AMD1: variants seen among roughly 807,000 people sequenced by gnomAD.
The protein encoded by AMD1 is S-adenosylmethionine decarboxylase proenzyme.
In AMD1, 11 loss-of-function variants were observed where a neutral mutation model predicts 40.2. That is an observed-to-expected ratio of 0.27 (90% CI 0.17 to 0.45). The LOEUF is 0.45. Ranked by LOEUF, AMD1 falls within the 20% of genes least tolerant of loss-of-function variation. AMD1 has a pLI of 1.00. For synonymous variants in AMD1, 121 were observed against 130.8 expected (o/e 0.93, Z 0.51); for missense variants, 257 against 410.2 (o/e 0.63, Z 3.23).
At chr6:110,860,884 A>C in the AMD1 span, among the ~76,000 whole-genome samples, 1 of 146,260 alleles carries the variant, frequency 6.8e-6, no homozygotes, top group African/African-American at 2.5e-5. Context: ...GAGAGAGAAC[A>C]ATCACATTTT....
At chr6:110,878,250 C>T (rs1475188297) in intron 1 of AMD1, among the ~76,000 whole-genome samples, 1 of 152,136 alleles carries the variant, frequency 6.6e-6, no homozygotes, top group Non-Finnish European at 1.5e-5. Flanking sequence ...ATTTACCTTT[C>T]ATATTTAGAT....
chr6:110,863,965 C>CTTTT, the AMD1 span: 2 of 394,230 alleles, frequency 5.1e-6, no homozygotes, highest in East Asian at 6.8e-5. Flanking sequence ...TACCACTAAT[C>CTTTT]TTTTTTTTTT....
At chr6:110,875,257 T>C (rs1583208206) in intron 1 of AMD1, 42 bp downstream of exon 1, 1 of 1,492,184 alleles carries the variant, frequency 6.7e-7, no homozygotes, top group East Asian at 2.4e-5. Context: ...GCCTGGGGGC[T>C]GTCGCCGCCG....
the AMD1 span, among the ~76,000 whole-genome samples, chr6:110,845,228 G>A: frequency 1.3e-5 from 2 of 151,796 alleles, no homozygotes; most frequent in African/African-American, 2.4e-5. Context: ...TAGTAGAGAC[G>A]GGGTTTCACC....
chr6:110,872,974 C>A (rs1784944614), upstream of AMD1, among the ~76,000 whole-genome samples: 1 of 152,184 alleles, frequency 6.6e-6, no homozygotes, highest in Admixed American at 6.5e-5. Flanking sequence ...AGAAATACTT[C>A]TTTTATCTTT....
the AMD1 span, among the ~76,000 whole-genome samples, chr6:110,865,654 C>T: frequency 6.6e-6 from 1 of 152,130 alleles, no homozygotes; most frequent in Non-Finnish European, 1.5e-5. Flanking sequence ...CTCAGCCTCC[C>T]AAAGTGCTGG....
chr6:110,825,729 A>G, the AMD1 span, among the ~76,000 whole-genome samples: 1 of 152,192 alleles, frequency 6.6e-6, no homozygotes, highest in Non-Finnish European at 1.5e-5. Context: ...CTACTTAAAC[A>G]TTGATTAAAA....
At chr6:110,879,654 G>T (rs1489065680) in intron 1 of AMD1, among the ~76,000 whole-genome samples, 2 of 152,082 alleles carry the variant, frequency 1.3e-5, no homozygotes, top group African/African-American at 2.4e-5. Context: ...TTACTACCTG[G>T]GGTAGAGGCA....
chr6:110,882,170 C>T (rs1215485066), intron 1 of AMD1, among the ~76,000 whole-genome samples: 5 of 152,188 alleles, frequency 3.3e-5, no homozygotes, highest in Non-Finnish European at 7.3e-5. Flanking sequence ...CTCACTCTGT[C>T]GCCCAGGCTG....
At position 110,888,998 on chromosome 6, in the gene AMD1, A is replaced by G; in HGVS notation, c.324+15A>G. ...ACTCAATTCAAGTAAGTAAGCAAAC[A>G]TTTAAATATTTTTCAGGCATAAATG... is the stretch of plus-strand genomic sequence containing the variant. On this transcript the variant is annotated intron_variant, in intron 3 of 8. Coordinates refer to ENST00000368885, the MANE Select transcript of AMD1 (RefSeq NM_001634.6). 1.9e-6 allele frequency: 3 copies of G among 1,608,418 alleles called. No individual in the cohort carries two copies. The highest frequency in any genetic ancestry group is 2.5e-6 in the Non-Finnish European group (3 of 1,177,600).
chr6:110,882,195 G>T (rs909541721), intron 1 of AMD1, among the ~76,000 whole-genome samples: 6 of 152,156 alleles, frequency 3.9e-5, no homozygotes, highest in African/African-American at 1.4e-4. Flanking sequence ...GCAGTGGCAC[G>T]ATCTTGGCTC....
In AMD1 at chr6:110,887,628, C is replaced by T. The variant is rs757141390; in HGVS notation, c.197+37C>T. Reference sequence around the variant, plus strand: ...AAAACAAGTGTTAGGTAGCTAATTTCAGTCCTAATCATAATGTGAAACAGT... The same window carrying T: ...AAAACAAGTGTTAGGTAGCTAATTTTAGTCCTAATCATAATGTGAAACAGT... On this transcript the variant is annotated intron_variant, in intron 2 of 8. Transcript: ENST00000368885. 2.9e-6 allele frequency: 4 copies of T among 1,379,898 alleles called. No homozygotes were observed. In the Admixed American group the frequency reaches 8.7e-5, roughly 30 times the overall value. 85.5% of individuals were successfully genotyped at this position (1,379,898 alleles called of 1,614,324 possible).
chr6:110,844,714 G>A, the AMD1 span, among the ~76,000 whole-genome samples: 1 of 151,676 alleles, frequency 6.6e-6, no homozygotes, highest in East Asian at 2.0e-4. Flanking sequence ...CCGGGAGGCA[G>A]AGGTTGCAGT....
In AMD1 at chr6:110,876,062, G is replaced by A. The variant is rs117644961; in HGVS notation, c.110+847G>A. ...AGGCCCGCCTGCCCCAGGACATAAT[G>A]CCTCTAATGCCTTAAGCTTGAGCAA... On this transcript the variant is annotated intron_variant, in intron 1 of 8. Transcript: ENST00000368885. 1.2e-4 allele frequency among the ~76,000 whole-genome samples: 18 copies of A among 152,346 alleles called. No individual in the cohort carries two copies. In the East Asian group the frequency reaches 3.5e-3, roughly 29 times the overall value.
chr6:110,815,293 G>A, the AMD1 span: 1 of 773,632 alleles, frequency 1.3e-6, no homozygotes, highest in South Asian at 3.1e-5. Flanking sequence ...TCCGCCTTCA[G>A]CAAGGGACTC....
At chr6:110,815,146 C>T in the AMD1 span, 1 of 1,587,152 alleles carries the variant, frequency 6.3e-7, no homozygotes, top group South Asian at 1.1e-5. Context: ...TTGTCTGCTT[C>T]CCCCATAGAG....
At chr6:110,833,606 AC>A in the AMD1 span, among the ~76,000 whole-genome samples, 1 of 152,240 alleles carries the variant, frequency 6.6e-6, no homozygotes, top group African/African-American at 2.4e-5. Flanking sequence ...ATACCTATAT[AC>A]TTTTATAAAA....
At chr6:110,831,569 A>T in the AMD1 span, among the ~76,000 whole-genome samples, 1 of 152,132 alleles carries the variant, frequency 6.6e-6, no homozygotes, top group African/African-American at 2.4e-5. Flanking sequence ...TGCCGGGATT[A>T]TAGGCATGAA....
chr6:110,815,257 GCCGCC>G, the AMD1 span: 15 of 1,022,336 alleles, frequency 1.5e-5, no homozygotes, highest in African/African-American at 3.5e-5. Flanking sequence ...GCGCGCGCGC[GCCGCC>G]CGCCGCCCGC....
Sources: gnomAD v4.1 joint callset for allele counts (sites outside exome capture counted in the v4.1 genomes callset) on GRCh38, gnomAD v4.1.1 for gene constraint, MANE v1.5 for transcripts, NCBI Gene and HGNC (gene_info 2026-07-23, HGNC 2026-07-21) for gene names.